Variants in C15orf39 observed in about 807,000 individuals in gnomAD.
C15orf39 encodes PRMT2 interacting protein.
In C15orf39, 24 loss-of-function variants were observed where a neutral mutation model predicts 53.9. The observed-to-expected ratio is 0.45, with a 90% confidence interval of 0.32 to 0.63. C15orf39 has a LOEUF of 0.63. C15orf39 is among the 20% of genes least tolerant of loss of function. C15orf39 has a pLI of 0.04. For missense variants in C15orf39, 1,271 were observed against 1,347.9 expected (o/e 0.94, Z 0.89); for synonymous variants, 569 against 576.5 (o/e 0.99, Z 0.19).
In C15orf39 at chr15:75,211,805, C is replaced by T. The variant is rs1192620465; in HGVS notation, c.*689C>T. 1 of 152,268 alleles carries T rather than the reference C, an allele frequency of 6.6e-6. No homozygotes were observed. Among genetic ancestry groups the T allele is most frequent in the African/African-American group, 2.4e-5 (1 of 41,452 alleles). 9.4% of individuals were successfully genotyped at this position (152,268 alleles called of 1,614,324 possible). Reference sequence around the variant, plus strand: ...GTCCTTGTTCTGGGCCTGCTGCTGCCGCCACCCCAGGAGGCCCCAGGCCTG... The same window carrying T: ...GTCCTTGTTCTGGGCCTGCTGCTGCTGCCACCCCAGGAGGCCCCAGGCCTG... On this transcript the variant is annotated 3_prime_UTR_variant, in exon 3 of 3. Coordinates refer to ENST00000394987, the MANE Select transcript of C15orf39 (RefSeq NM_015492.5).
chr15:75,208,235 G>C lies in C15orf39; in HGVS notation c.2187G>C (p.Pro729=). The C allele has an allele frequency of 6.2e-7, 1 of 1,610,080 alleles. No homozygotes were observed. The highest frequency in any genetic ancestry group is 2.2e-5 in the East Asian group (1 of 44,746). The change falls in exon 2 of 3, where the codon CCG becomes CCC. Residue 729 remains proline (P), a synonymous_variant. Coordinates refer to ENST00000394987, the MANE Select transcript of C15orf39 (RefSeq NM_015492.5). ...CTGCTCCAGCTCCATCCCCTGCTCCGGCTCGAGCTCAGGCTCCAGCTTCAG... is the reference window on the plus strand; with the variant it reads ...CTGCTCCAGCTCCATCCCCTGCTCCCGCTCGAGCTCAGGCTCCAGCTTCAG... ...PAPAPAPSPA[P]ARAQAPASAR... is the part of the protein sequence containing the mutation.
chr15:75,208,723 G>T lies in C15orf39; in HGVS notation c.2675G>T (p.Cys892Phe). ...RALRELALPG[C>F]TSRMLKLLAL... ...CTGCGGGAGCTCGCCCTGCCAGGCT[G>T]CACCTCACGCATGCTGAAGTTACTG... is the stretch of plus-strand genomic sequence containing the variant. Residue 892 changes from cysteine to phenylalanine, a missense_variant, in exon 2 of 3, where the codon TGC (cysteine) becomes TTC (phenylalanine). Physicochemically the swap from Cys to Phe is radical, Grantham distance 205. This residue lies in a region of C15orf39 where 277 missense variants were observed against 354.1 expected (regional missense o/e 0.78). Coordinates refer to ENST00000394987, the MANE Select transcript of C15orf39 (RefSeq NM_015492.5). 6.2e-7 allele frequency: 1 copy of T among 1,607,184 alleles called. No homozygotes were observed. The highest frequency in any genetic ancestry group is 8.5e-7 in the Non-Finnish European group (1 of 1,179,738).
chr15:75,207,927 G>A lies in C15orf39; in HGVS notation c.1879G>A (p.Gly627Ser). 1.2e-6 allele frequency: 2 copies of A among 1,613,786 alleles called. No homozygotes were observed. The highest frequency in any genetic ancestry group is 1.7e-6 in the Non-Finnish European group (2 of 1,180,028). The change falls in exon 2 of 3, where the codon GGC (glycine) becomes AGC (serine). Residue 627 changes from glycine (G) to serine (S), a missense_variant. Gly to Ser is a moderately conservative substitution (Grantham distance 56, BLOSUM62 0). Around this residue, in one of 2 missense-constraint regions of C15orf39, gnomAD observed 994 missense variants for 993.7 expected, o/e 1.00. Transcript: ENST00000394987. Reference sequence around the variant, plus strand: ...GAAAAAGATAGACACAGAAGCACCAGGCTTGCCTGGGGTGCCAGTGACCAC... The same window carrying A: ...GAAAAAGATAGACACAGAAGCACCAAGCTTGCCTGGGGTGCCAGTGACCAC... Reference protein sequence around the residue: ...GLKKIDTEAPGLPGVPVTTDA... With the variant: ...GLKKIDTEAPSLPGVPVTTDA...
chr15:75,211,904 C>T lies in C15orf39; in HGVS notation c.*788C>T, dbSNP rs1200323866. On this transcript the variant is annotated 3_prime_UTR_variant, in exon 3 of 3. Transcript: ENST00000394987. ...CATTATCCCAGGAAACTTATGTTTT[C>T]TAGAAGCTAAGCAGCTGCTGGGACT... 1.3e-5 allele frequency: 2 copies of T among 152,402 alleles called. No individual in the cohort carries two copies. The highest frequency in any genetic ancestry group is 2.4e-5 in the African/African-American group (1 of 41,444). The allele number at this position is 152,402 out of a possible 1,614,324, so 9.4% of individuals were successfully genotyped here. A position where few individuals can be genotyped will look rare whatever the true frequency, so the allele number is the denominator to read the frequency against.
At chr15:75,205,978 G>A (rs1203185283) in intron 1 of C15orf39, 21 bp from the exon 2 acceptor site, 14 of 1,432,948 alleles carry the variant, frequency 9.8e-6, no homozygotes, top group African/African-American at 1.4e-5. Context: ...GACAGCCCCT[G>A]CCTTTCTCTC....
chr15:75,203,520 C>G (rs987331477), intron 1 of C15orf39, among the ~76,000 whole-genome samples: 7 of 152,190 alleles, frequency 4.6e-5, no homozygotes, highest in Admixed American at 3.9e-4. Context: ...GGCAGGAGAT[C>G]AGGTCATTCC....
rs749505454 is a variant in C15orf39 at position 75,210,938 on chromosome 15, C to T, written c.2966C>T (p.Pro989Leu). 2 of 1,613,432 alleles carry T rather than the reference C, an allele frequency of 1.2e-6. No individual in the cohort carries two copies. Among genetic ancestry groups the T allele is most frequent in the South Asian group, 2.2e-5 (2 of 91,092 alleles). Reference protein sequence around the residue: ...AAGEESCGASPTPATSASPPG... With the variant: ...AAGEESCGASLTPATSASPPG... ...GGGGAAGAGTCCTGTGGTGCCTCCC[C>T]TACCCCTGCTACCAGTGCCAGCCCA... Residue 989 changes from proline to leucine, a missense_variant, in exon 3 of 3, where the codon CCT becomes CTT. Around this residue, in one of 2 missense-constraint regions of C15orf39, gnomAD observed 277 missense variants for 354.1 expected, o/e 0.78. Transcript: ENST00000394987.
rs766931567 is a variant in C15orf39, at chr15:75,207,213, G to A, written c.1165G>A (p.Gly389Arg). Reference protein sequence around the residue: ...PYARDDLSLYGASPGLGGTPP... With the variant: ...PYARDDLSLYRASPGLGGTPP... ...TGCCCGGGATGACCTCTCTCTCTAT[G>A]GAGCATCCCCTGGGCTTGGAGGGAC... is the stretch of plus-strand genomic sequence containing the variant. The change falls in exon 2 of 3, where the codon GGA becomes AGA. Residue 389 changes from glycine (G) to arginine (R), a missense_variant. Gly to Arg is a moderately radical substitution (Grantham distance 125). Around this residue, in one of 2 missense-constraint regions of C15orf39, gnomAD observed 994 missense variants for 993.7 expected, o/e 1.00. Transcript: ENST00000394987. 3.7e-6 allele frequency: 6 copies of A among 1,613,734 alleles called. No individual in the cohort carries two copies. Among genetic ancestry groups the A allele is most frequent in the Non-Finnish European group, 4.2e-6 (5 of 1,179,968 alleles).
rs73437074 is a variant in C15orf39, at chr15:75,207,125, G to T, written c.1077G>T (p.Leu359=). ...PLPAPSPGLK[L]EPPLTPRCPL... ...CAGCACCCTCTCCAGGCCTCAAGCTGGAGCCGCCTCTCACTCCACGGTGCC... is the reference window on the plus strand; with the variant it reads ...CAGCACCCTCTCCAGGCCTCAAGCTTGAGCCGCCTCTCACTCCACGGTGCC... Residue 359 remains leucine (L), a synonymous_variant, in exon 2 of 3, where the codon CTG becomes CTT. Coordinates refer to ENST00000394987, the MANE Select transcript of C15orf39 (RefSeq NM_015492.5). The T allele has an allele frequency of 2.7e-5, 44 of 1,613,550 alleles. 1 individual carries two copies. In the Middle Eastern group the frequency reaches 8.2e-4, roughly 30 times the overall value.
At position 75,208,089 on chromosome 15, in the gene C15orf39, G is replaced by A. The variant is rs1451840293; in HGVS notation, c.2041G>A (p.Ala681Thr). 1.2e-6 allele frequency: 2 copies of A among 1,614,046 alleles called. No homozygotes were observed. The highest frequency in any genetic ancestry group is 8.5e-7 in the Non-Finnish European group (1 of 1,180,012). Residue 681 changes from alanine to threonine, a missense_variant, in exon 2 of 3, where the codon GCA becomes ACA. Physicochemically the swap from Ala to Thr is moderately conservative, Grantham distance 58. Coordinates refer to ENST00000394987, the MANE Select transcript of C15orf39 (RefSeq NM_015492.5). ...PTSAPAPTQP[A>T]PTPTSGPIGL... ...CTCAGCTCCTGCTCCCACACAGCCT[G>A]CACCCACCCCCACATCTGGGCCCAT... is the stretch of plus-strand genomic sequence containing the variant.
chr15:75,202,064 G>T lies in C15orf39; in HGVS notation c.-51+5G>T, dbSNP rs948072131. ...GGGAGTCCTGGCGCTCTGCAGGTAG[G>T]AGCTCGCCCGCTCGGCGGGCGCGGA... On this transcript the variant is annotated splice_donor_5th_base_variant and intron_variant, in intron 1 of 2. Transcript: ENST00000394987. The T allele has an allele frequency of 6.6e-6, 1 of 152,188 alleles. No individual in the cohort carries two copies. Among genetic ancestry groups the T allele is most frequent in the East Asian group, 1.9e-4 (1 of 5,178 alleles). The allele number at this position is 152,188 out of a possible 1,614,324, so 9.4% of individuals were successfully genotyped here.
In C15orf39 at chr15:75,207,761, G is replaced by A; in HGVS notation, c.1713G>A (p.Glu571=). The change falls in exon 2 of 3, where the codon GAG becomes GAA. Residue 571 remains glutamate, a synonymous_variant. Coordinates refer to ENST00000394987, the MANE Select transcript of C15orf39 (RefSeq NM_015492.5). ...SKPLRGSLKE[E]VALDLSVRKP... Reference sequence around the variant, plus strand: ...CCCTAAGGGGCTCACTTAAGGAGGAGGTAGCCCTGGATTTGAGTGTGAGGA... The same window carrying A: ...CCCTAAGGGGCTCACTTAAGGAGGAAGTAGCCCTGGATTTGAGTGTGAGGA... The A allele has an allele frequency of 1.9e-6, 3 of 1,610,554 alleles. No homozygotes were observed. The highest frequency in any genetic ancestry group is 2.5e-6 in the Non-Finnish European group (3 of 1,178,382).
In C15orf39 at chr15:75,208,360, A is replaced by C; in HGVS notation, c.2312A>C (p.His771Pro). The C allele has an allele frequency of 6.3e-7, 1 of 1,591,558 alleles. No homozygotes were observed. Among genetic ancestry groups the C allele is most frequent in the African/African-American group, 1.3e-5 (1 of 74,576 alleles). ...CTGGAGCAGCATTTTACAGGACTAC[A>C]TGCGTCCCTGTGTGATGCTATTTCT... ...DSLEQHFTGL[H>P]ASLCDAISGS... Residue 771 changes from histidine (H) to proline (P), a missense_variant, in exon 2 of 3, where the codon CAT becomes CCT. Around this residue, in one of 2 missense-constraint regions of C15orf39, gnomAD observed 994 missense variants for 993.7 expected, o/e 1.00. Coordinates refer to ENST00000394987, the MANE Select transcript of C15orf39 (RefSeq NM_015492.5).
intron 1 of C15orf39, among the ~76,000 whole-genome samples, chr15:75,204,211 A>G (rs568174553): frequency 6.6e-6 from 1 of 152,312 alleles, no homozygotes; most frequent in South Asian, 2.1e-4. Flanking sequence ...GGTCCTTTCT[A>G]AGCTACTGAG....
chr15:75,209,092 T>C (rs2070465225), intron 2 of C15orf39: 2 of 502,438 alleles, frequency 4.0e-6, no homozygotes, highest in Non-Finnish European at 3.5e-6. Context: ...CTGCACCTTC[T>C]TGGATTCCCT....
chr15:75,207,532 C>G lies in C15orf39; in HGVS notation c.1484C>G (p.Pro495Arg). 1 of 1,613,572 alleles carries G rather than the reference C, an allele frequency of 6.2e-7. No homozygotes were observed. The highest frequency in any genetic ancestry group is 8.5e-7 in the Non-Finnish European group (1 of 1,179,998). The change falls in exon 2 of 3, where the codon CCC becomes CGC. Residue 495 changes from proline to arginine, a missense_variant. By Grantham distance (103) the Pro-to-Arg change is moderately radical. Coordinates refer to ENST00000394987, the MANE Select transcript of C15orf39 (RefSeq NM_015492.5). ...CCACAGAAGGAGGGCGCAAGGCCAC[C>G]CAGCTCTCCACCAATGCCTGTCATT... ...SLPQKEGARP[P>R]SSPPMPVIDN...
chr15:75,211,148 C>A lies in C15orf39; in HGVS notation c.*32C>A. On this transcript the variant is annotated 3_prime_UTR_variant, in exon 3 of 3. Transcript: ENST00000394987. ...TTGCCAGTGCTGTGTGTATAGCAGT[C>A]ACTCTCCACCCTTCCCTTCTGCCTG... 3 of 1,546,766 alleles carry A rather than the reference C, an allele frequency of 1.9e-6. No homozygotes were observed. The highest frequency in any genetic ancestry group is 2.4e-5 in the South Asian group (2 of 83,608).
Position 75,208,235 on chromosome 15 carries a change from G to A in C15orf39, c.2187G>A (p.Pro729=), listed in dbSNP as rs763770779. The change falls in exon 2 of 3, where the codon CCG becomes CCA. Residue 729 remains proline, a synonymous_variant. Transcript: ENST00000394987. ...CTGCTCCAGCTCCATCCCCTGCTCC[G>A]GCTCGAGCTCAGGCTCCAGCTTCAG... ...PAPAPAPSPA[P]ARAQAPASAR... 1.7e-5 allele frequency: 28 copies of A among 1,609,962 alleles called. No homozygotes were observed. The highest frequency in any genetic ancestry group is 2.7e-5 in the African/African-American group (2 of 74,804).
chr15:75,199,498 C>T (rs184547241), upstream of C15orf39, among the ~76,000 whole-genome samples: 376 of 152,338 alleles, frequency 2.5e-3, 1 homozygote, highest in African/African-American at 7.1e-3. Context: ...CCACCTCACA[C>T]GCCTCTGGGG....
Sources: allele counts gnomAD v4.1 joint callset (sites outside exome capture counted in the v4.1 genomes callset), GRCh38; gene constraint gnomAD v4.1.1; regional missense constraint gnomAD v4.1.1; transcripts MANE v1.5; gene names NCBI Gene and HGNC (gene_info 2026-07-23, HGNC 2026-07-21).